Variants in PDZRN3 observed in about 807,000 individuals in gnomAD.
PDZRN3 encodes PDZ domain containing ring finger 3.
A neutral mutation model predicts 85.7 loss-of-function variants in PDZRN3; 38 were observed. The ratio of observed to expected loss-of-function variants is 0.44; its 90% CI spans 0.34 to 0.58. The LOEUF is 0.58. Ranked by LOEUF, PDZRN3 falls within the 20% of genes least tolerant of loss-of-function variation. The probability of loss-of-function intolerance (pLI) is 0.01; values close to 1 mark genes in which losing one functional copy is unlikely to be tolerated. For missense variants in PDZRN3, 1,629 were observed against 1,506.4 expected, an observed-to-expected ratio of 1.08 and a Z score of -1.35; for synonymous variants, 759 against 638.0, an observed-to-expected ratio of 1.19 and a Z score of -2.86.
chr3:73,498,661 T>C (rs1166573051), intron 3 of PDZRN3, among the ~76,000 whole-genome samples: 1 of 151,864 alleles, frequency 6.6e-6, no homozygotes, highest in Non-Finnish European at 1.5e-5. Flanking sequence ...CTCGGCTCAC[T>C]GCAACCTACG....
At chr3:73,520,156 A>G (rs966210310) in intron 3 of PDZRN3, among the ~76,000 whole-genome samples, 64 of 152,294 alleles carry the variant, frequency 4.2e-4, no homozygotes, top group African/African-American at 1.5e-3. Context: ...ACAGAGAGCT[A>G]TATCAAACTG....
intron 1 of PDZRN3, among the ~76,000 whole-genome samples, chr3:73,622,033 G>A (rs368012233): frequency 1.3e-4 from 20 of 152,280 alleles, no homozygotes; most frequent in South Asian, 1.2e-3. Flanking sequence ...ATAAATAAGC[G>A]TCACTTAAAA....
intron 3 of PDZRN3, among the ~76,000 whole-genome samples, chr3:73,565,627 C>CGACT (rs1029132733): frequency 4.7e-4 from 72 of 152,104 alleles, no homozygotes; most frequent in African/African-American, 1.5e-3. Context: ...CTTTCCAAGC[C>CGACT]GACTCTTCAT....
chr3:73,422,537 T>C (rs1702225007), intron 3 of PDZRN3, among the ~76,000 whole-genome samples: 1 of 152,210 alleles, frequency 6.6e-6, no homozygotes, highest in Non-Finnish European at 1.5e-5. Flanking sequence ...GGTTGGCACT[T>C]GTTAATTCAA....
rs1204838316 is a variant in PDZRN3 at position 73,384,848 on chromosome 3, C to T, written c.1718G>A (p.Arg573Gln). Reference sequence around the variant, plus strand: ...GTCATTACGGGTGCTCTCGTCGGTCCGCCCCACACCGCTGTCCTTCTCGTG... The same window carrying T: ...GTCATTACGGGTGCTCTCGTCGGTCTGCCCCACACCGCTGTCCTTCTCGTG... The part of the protein sequence containing the change: ...NQHEKDSGVG[R>Q]TDESTRNDES... Residue 573 changes from arginine to glutamine, a missense_variant, in exon 10 of 10, where the codon CGG (arginine) becomes CAG (glutamine). By Grantham distance (43) the Arg-to-Gln change is conservative. Transcript: ENST00000263666. 4.3e-6 allele frequency: 7 copies of T among 1,614,020 alleles called. No individual in the cohort carries two copies. The highest frequency in any genetic ancestry group is 2.2e-5 in the South Asian group (2 of 91,082).
At chr3:73,418,630 T>C (rs1702139386) in intron 3 of PDZRN3, among the ~76,000 whole-genome samples, 1 of 152,138 alleles carries the variant, frequency 6.6e-6, no homozygotes, top group Non-Finnish European at 1.5e-5. Flanking sequence ...CCAGCCCCAA[T>C]AATCCTATCA....
intron 3 of PDZRN3, among the ~76,000 whole-genome samples, chr3:73,476,341 A>G (rs537576004): frequency 6.6e-6 from 1 of 152,246 alleles, no homozygotes; most frequent in East Asian, 1.9e-4. Context: ...CAGTGAAGGG[A>G]AAAGTGCTAC....
chr3:73,571,168 C>G (rs1340229040), intron 3 of PDZRN3, among the ~76,000 whole-genome samples: 1 of 152,182 alleles, frequency 6.6e-6, no homozygotes, highest in Non-Finnish European at 1.5e-5. Context: ...AATCTCAGTC[C>G]TATTGTACTT....
intron 3 of PDZRN3, among the ~76,000 whole-genome samples, chr3:73,564,183 G>T (rs1009407204): frequency 4.6e-5 from 7 of 152,188 alleles, no homozygotes; most frequent in Non-Finnish European, 5.9e-5. Flanking sequence ...GAATGATTTA[G>T]AACAGTCACT....
Position 73,521,804 on chromosome 3 carries a change from G to A in PDZRN3, c.918+80550C>T, listed in dbSNP as rs934606433. Among the ~76,000 whole-genome samples, 6 of 152,316 alleles carry A rather than the reference G, an allele frequency of 3.9e-5. No homozygotes were observed. The East Asian group carries it at 1.2e-3, about 29-fold the overall frequency. On this transcript the variant is annotated intron_variant, in intron 3 of 9. Transcript: ENST00000263666. ...TTCCTGCCCAAATTGGGGCTGTCAT[G>A]CAGTAGCAGGCCCTCAGAAATGTTT...
intron 3 of PDZRN3, among the ~76,000 whole-genome samples, chr3:73,421,733 C>T (rs556629528): frequency 1.6e-4 from 25 of 152,236 alleles, no homozygotes; most frequent in South Asian, 1.5e-3. Flanking sequence ...CTGCAACCTC[C>T]GCCTCCCAGG....
At chr3:73,567,174 T>G (rs911349890) in intron 3 of PDZRN3, among the ~76,000 whole-genome samples, 2 of 152,190 alleles carry the variant, frequency 1.3e-5, no homozygotes, top group Non-Finnish European at 2.9e-5. Flanking sequence ...AAAAGCAACA[T>G]GTTATAAGAA....
intron 3 of PDZRN3, among the ~76,000 whole-genome samples, chr3:73,543,663 C>T (rs557554169): frequency 4.1e-4 from 62 of 152,302 alleles, no homozygotes; most frequent in African/African-American, 1.3e-3. Context: ...TGCTAGAGCA[C>T]GCTGATAAAA....
chr3:73,426,806 G>A (rs558409216), intron 3 of PDZRN3, among the ~76,000 whole-genome samples: 4 of 152,080 alleles, frequency 2.6e-5, no homozygotes, highest in Admixed American at 2.0e-4. Context: ...GCCTGAGAAA[G>A]TGCATTTCTA....
chr3:73,443,064 C>T (rs1702673043), intron 3 of PDZRN3, among the ~76,000 whole-genome samples: 2 of 152,196 alleles, frequency 1.3e-5, no homozygotes, highest in African/African-American at 4.8e-5. Flanking sequence ...CGGCTGCTCC[C>T]AGCCGCGCCC....
intron 1 of PDZRN3, among the ~76,000 whole-genome samples, chr3:73,615,579 C>G (rs1276521228): frequency 6.6e-6 from 1 of 152,196 alleles, no homozygotes; most frequent in Non-Finnish European, 1.5e-5. Context: ...ACCCTTTCTA[C>G]TATGTGAGCA....
intron 3 of PDZRN3, among the ~76,000 whole-genome samples, chr3:73,465,195 T>C: frequency 6.6e-6 from 1 of 152,206 alleles, no homozygotes; most frequent in Non-Finnish European, 1.5e-5. Context: ...CATCACTTTA[T>C]CTCCGGAGCC....
At position 73,388,075 on chromosome 3, in the gene PDZRN3, A is replaced by T. The variant is rs182173324; in HGVS notation, c.1417-6T>A. On this transcript the variant is annotated splice_region_variant and splice_polypyrimidine_tract_variant and intron_variant, in intron 7 of 9. Coordinates refer to ENST00000263666, the MANE Select transcript of PDZRN3 (RefSeq NM_015009.3). ...TGCACCTCTATCCCATTAATCTTTT[A>T]AAAAAAAAGGGGGGGTGGGGAGAGT... The T allele has an allele frequency of 5.2e-3, 5,635 of 1,080,094 alleles. 163 individuals are homozygous for T. The African/African-American group carries it at 0.13, about 25-fold the overall frequency. 66.9% of individuals were successfully genotyped at this position (1,080,094 alleles called of 1,614,324 possible).
At chr3:73,534,729 A>G (rs1704736267) in intron 3 of PDZRN3, among the ~76,000 whole-genome samples, 1 of 152,180 alleles carries the variant, frequency 6.6e-6, no homozygotes, top group Non-Finnish European at 1.5e-5. Context: ...TCTTCTCTTC[A>G]TATCTTGTAG....
Sources: gnomAD v4.1 joint callset for allele counts (sites outside exome capture counted in the v4.1 genomes callset) on GRCh38, gnomAD v4.1.1 for gene constraint, MANE v1.5 for transcripts, NCBI Gene and HGNC (gene_info 2026-07-23, HGNC 2026-07-21) for gene names.